Variants in RIPOR3 observed in about 807,000 individuals in gnomAD.
RIPOR3 encodes the protein RIPOR family member 3, also known as family with sequence similarity 65 member C.
Under a neutral mutation model 114.3 loss-of-function variants are expected in RIPOR3, and 95 were observed. That is an observed-to-expected ratio of 0.83 (90% CI 0.70 to 0.99). The LOEUF (loss-of-function observed/expected upper bound fraction) is 0.99. Among genes scored for constraint, RIPOR3 ranks in the 50% least tolerant of loss-of-function variants. RIPOR3 has a pLI of 0.00. For synonymous variants in RIPOR3, 575 were observed against 543.8 expected (o/e 1.06, Z -0.80); for missense variants, 1,252 against 1,266.9 (o/e 0.99, Z 0.18).
chr20:50,649,655 C>T (rs1044195497), intron 1 of RIPOR3, among the ~76,000 whole-genome samples: 1 of 151,908 alleles, frequency 6.6e-6, no homozygotes, highest in African/African-American at 2.4e-5. Flanking sequence ...AGCCCTCAGG[C>T]TTTATTGCTT....
intron 13 of RIPOR3, 125 bp from the exon 14 acceptor site, chr20:50,597,835 G>A (rs1055923844): frequency 8.6e-6 from 12 of 1,402,826 alleles, no homozygotes; most frequent in South Asian, 8.5e-5. Flanking sequence ...CCCACACACC[G>A]TCCCCCAGCA....
rs192961467 is a variant in RIPOR3 at position 50,588,852 on chromosome 20, G to A, written c.2661+834C>T. On this transcript the variant is annotated intron_variant, in intron 20 of 21. Coordinates refer to ENST00000327979, the MANE Select transcript of RIPOR3 (RefSeq NM_001290268.2). ...TCCCAGCACTTTGGGAGGCCGAGGCGGGCAGATCACGAGGTCAGGAGATCG... is the reference window on the plus strand; with the variant it reads ...TCCCAGCACTTTGGGAGGCCGAGGCAGGCAGATCACGAGGTCAGGAGATCG... Among the ~76,000 whole-genome samples the A allele has an allele frequency of 8.3e-3, 1,261 of 151,146 alleles. 11 individuals carry two copies. The highest frequency in any genetic ancestry group is 0.013 in the Non-Finnish European group (879 of 67,788).
rs750130726 is a variant in RIPOR3 at position 50,609,659 on chromosome 20, G to C, written c.490C>G (p.Gln164Glu). The change falls in exon 7 of 22, where the codon CAG becomes GAG. Residue 164 changes from glutamine (Q) to glutamate (E), a missense_variant. By Grantham distance (29) the Gln-to-Glu change is conservative. Transcript: ENST00000327979. ...GGGGGGCACCGGGCGAAGGCCCGCT[G>C]CATGCTGGAGGCGCCGTCGCGCAGG... The part of the protein sequence containing the change: ...CRLRDGASSM[Q>E]RAFARCPPSR... The C allele has an allele frequency of 4.7e-5, 65 of 1,395,872 alleles. No individual in the cohort carries two copies. The highest frequency in any genetic ancestry group is 5.3e-5 in the Non-Finnish European group (57 of 1,076,680). 86.5% of individuals were successfully genotyped at this position (1,395,872 alleles called of 1,614,324 possible). A position where few individuals can be genotyped will look rare whatever the true frequency, so the allele number is the denominator to read the frequency against.
chr20:50,643,582 G>A (rs765996098), intron 1 of RIPOR3, among the ~76,000 whole-genome samples: 5 of 151,994 alleles, frequency 3.3e-5, no homozygotes, highest in Non-Finnish European at 7.4e-5. Flanking sequence ...CTGAGGCTAT[G>A]TCTTGGGTCA....
chr20:50,625,359 A>C (rs2084581205), intron 2 of RIPOR3, among the ~76,000 whole-genome samples: 1 of 152,192 alleles, frequency 6.6e-6, no homozygotes. Flanking sequence ...GGCGTGAGCC[A>C]CCACGCCCGC....
In RIPOR3 at chr20:50,691,180, C is replaced by G; in HGVS notation, c.-52G>C. The G allele has an allele frequency of 3.9e-6, 5 of 1,289,418 alleles. No homozygotes were observed. The South Asian group carries it at 4.9e-5, about 13-fold the overall frequency. The allele number at this position is 1,289,418 out of a possible 1,614,324, so 79.9% of individuals were successfully genotyped here. A position where few individuals can be genotyped will look rare whatever the true frequency, so the allele number is the denominator to read the frequency against. On this transcript the variant is annotated 5_prime_UTR_variant, in exon 1 of 22. Transcript: ENST00000327979. ...GTCCCGCCGCCCTCCTTGCAGCTGC[C>G]TCACTTTCCCTATTGCCGCCAGCAA...
In RIPOR3 at chr20:50,620,013, A is replaced by T; in HGVS notation, c.242T>A (p.Ile81Asn). ...ADPKPQQVKK[I>N]FEALKRGLKE... Reference sequence around the variant, plus strand: ...GAGGCCTCTTTTCAATGCTTCGAAGATCTTCTTCACCTGCTGGGGCTTCGG... The same window carrying T: ...GAGGCCTCTTTTCAATGCTTCGAAGTTCTTCTTCACCTGCTGGGGCTTCGG... The change falls in exon 3 of 22, where the codon ATC (isoleucine) becomes AAC (asparagine). Residue 81 changes from isoleucine to asparagine, a missense_variant. Coordinates refer to ENST00000327979, the MANE Select transcript of RIPOR3 (RefSeq NM_001290268.2). 8 of 1,612,986 alleles carry T rather than the reference A, an allele frequency of 5.0e-6. No individual in the cohort carries two copies. The highest frequency in any genetic ancestry group is 6.8e-6 in the Non-Finnish European group (8 of 1,179,064).
chr20:50,636,624 G>C, intron 1 of RIPOR3: 1 of 985,582 alleles, frequency 1.0e-6, no homozygotes, highest in Non-Finnish European at 1.2e-6. Flanking sequence ...CGTGTCCCTC[G>C]CTGCCTCTCT....
In RIPOR3 at chr20:50,616,002, C is replaced by A. The variant is rs138180463; in HGVS notation, c.348G>T (p.Leu116=). 934 of 1,606,304 alleles carry A rather than the reference C, an allele frequency of 5.8e-4. No homozygotes were observed. Among genetic ancestry groups the A allele is most frequent in the Non-Finnish European group, 7.3e-4 (858 of 1,176,532 alleles). ...GGAAGCAGGCAGGGAGGGGTCTCAC[C>A]AGCCTGGAATTCCTCCTGGTGTCTT... is the stretch of plus-strand genomic sequence containing the variant. The part of the protein sequence containing the change: ...RHKDTRRNSR[L]AFYYDLDKQT... The change falls in exon 4 of 22, where the codon CTG becomes CTT. Residue 116 remains leucine, a splice_region_variant and synonymous_variant. Coordinates refer to ENST00000327979, the MANE Select transcript of RIPOR3 (RefSeq NM_001290268.2).
chr20:50,587,754 AG>A, intron 21 of RIPOR3, 47 bp downstream of exon 21: 1 of 1,583,048 alleles, frequency 6.3e-7, no homozygotes, highest in South Asian at 1.1e-5. Flanking sequence ...GCAGATTCTA[AG>A]GGCCCCAGGC....
chr20:50,602,042 G>C lies in RIPOR3; in HGVS notation c.1659+30C>G. On this transcript the variant is annotated intron_variant, in intron 13 of 21. Coordinates refer to ENST00000327979, the MANE Select transcript of RIPOR3 (RefSeq NM_001290268.2). This position sits in a 1 kb window ranked among gnomAD's most constrained non-coding sequence, Gnocchi z 4.3. ...CAGTCATCATGCCATCAGCAAAGCA[G>C]GGCCACCGCCCGGGGCGGGGTGGCC... is the stretch of plus-strand genomic sequence containing the variant. The C allele has an allele frequency of 6.9e-7, 1 of 1,454,424 alleles. No individual in the cohort carries two copies. Among genetic ancestry groups the C allele is most frequent in the South Asian group, 1.4e-5 (1 of 69,874 alleles). 90.1% of individuals were successfully genotyped at this position (1,454,424 alleles called of 1,614,324 possible). A position where few individuals can be genotyped will look rare whatever the true frequency, so the allele number is the denominator to read the frequency against.
chr20:50,586,536 C>G lies in RIPOR3; in HGVS notation c.*696G>C, dbSNP rs1441568200. ...CCTACTGCCTGTGCTGCTCAGGGCT[C>G]CTGGGCTGATGTGGTGGCTTCTTCC... On this transcript the variant is annotated 3_prime_UTR_variant, in exon 22 of 22. Coordinates refer to ENST00000327979, the MANE Select transcript of RIPOR3 (RefSeq NM_001290268.2). 6.5e-6 allele frequency: 1 copy of G among 152,758 alleles called. No homozygotes were observed. The highest frequency in any genetic ancestry group is 2.4e-5 in the African/African-American group (1 of 41,426). 9.5% of individuals were successfully genotyped at this position (152,758 alleles called of 1,614,324 possible).
At chr20:50,592,679 C>T in intron 18 of RIPOR3, 133 bp from the exon 19 acceptor site, 1 of 813,918 alleles carries the variant, frequency 1.2e-6, no homozygotes, top group Non-Finnish European at 1.8e-6. Flanking sequence ...CACCAAGGCC[C>T]AGCCTGGACT....
At position 50,602,135 on chromosome 20, in the gene RIPOR3, G is replaced by T; in HGVS notation, c.1596C>A (p.Asp532Glu). Reference sequence around the variant, plus strand: ...GCTCCCGGAGCTGGGGCTGGGTGGAGTCCGTGGGCCTCAGCAACTCCAGGA... The same window carrying T: ...GCTCCCGGAGCTGGGGCTGGGTGGATTCCGTGGGCCTCAGCAACTCCAGGA... ...QEVLELLRPT[D>E]STQPQLRELE... Residue 532 changes from aspartate (D) to glutamate (E), a missense_variant, in exon 13 of 22, where the codon GAC (aspartate) becomes GAA (glutamate). By Grantham distance (45) the Asp-to-Glu change is conservative. Coordinates refer to ENST00000327979, the MANE Select transcript of RIPOR3 (RefSeq NM_001290268.2). The surrounding 1 kb of genome is among the most constrained non-coding windows in gnomAD (Gnocchi z 4.3). The T allele has an allele frequency of 6.2e-7, 1 of 1,610,532 alleles. No homozygotes were observed. The highest frequency in any genetic ancestry group is 8.5e-7 in the Non-Finnish European group (1 of 1,178,596).
intron 2 of RIPOR3, among the ~76,000 whole-genome samples, chr20:50,626,868 G>T (rs1424345315): frequency 6.6e-6 from 1 of 151,064 alleles, no homozygotes; most frequent in Non-Finnish European, 1.5e-5. Context: ...CTAAAAATTA[G>T]CTGGGCATGG....
intron 3 of RIPOR3, among the ~76,000 whole-genome samples, chr20:50,616,563 G>A (rs2084179327): frequency 6.6e-6 from 1 of 152,022 alleles, no homozygotes; most frequent in African/African-American, 2.4e-5. Flanking sequence ...GGCTGGTCTC[G>A]AACTCCTTGA....
At chr20:50,589,822 T>G (rs1434911295) in intron 19 of RIPOR3, 53 bp from the exon 20 acceptor site, 1 of 1,542,948 alleles carries the variant, frequency 6.5e-7, no homozygotes, top group African/African-American at 1.4e-5. Flanking sequence ...GTGGAGTCCA[T>G]GGTTCCGGGT....
At chr20:50,691,103 G>A in intron 1 of RIPOR3, 23 bp downstream of exon 1, 1 of 1,289,418 alleles carries the variant, frequency 7.8e-7, no homozygotes. Flanking sequence ...GGCACACATG[G>A]GGAGCAGTCA....
intron 17 of RIPOR3, among the ~76,000 whole-genome samples, 169 bp from the exon 18 acceptor site, chr20:50,593,365 G>T (rs2083177174): frequency 6.6e-6 from 1 of 152,200 alleles, no homozygotes; most frequent in Admixed American, 6.5e-5. Flanking sequence ...CTGAGGTCAG[G>T]AGTTCGAGAC....
Sources: allele counts gnomAD v4.1 joint callset (sites outside exome capture counted in the v4.1 genomes callset), GRCh38; gene constraint gnomAD v4.1.1; non-coding constraint Gnocchi (gnomAD v3.1); transcripts MANE v1.5; gene names NCBI Gene and HGNC (gene_info 2026-07-23, HGNC 2026-07-21).